The following RPGRIP1 variants were observed in gnomAD, a reference collection of about 807,000 sequenced individuals.
RPGRIP1 encodes X-linked retinitis pigmentosa GTPase regulator-interacting protein 1.
Under a neutral mutation model 157.9 loss-of-function variants are expected in RPGRIP1, and 128 were observed. The ratio of observed to expected loss-of-function variants is 0.81; its 90% CI spans 0.70 to 0.94. The LOEUF is 0.94. Among genes scored for constraint, RPGRIP1 ranks in the 40% least tolerant of loss-of-function variants. The pLI is 0.00. For synonymous variants in RPGRIP1, 554 were observed against 571.6 expected, an observed-to-expected ratio of 0.97 and a Z score of 0.44; for missense variants, 1,486 against 1,545.8, an observed-to-expected ratio of 0.96 and a Z score of 0.65.
At chr14:21,345,932 G>A (rs917668404) in intron 23 of RPGRIP1, among the ~76,000 whole-genome samples, 10 of 152,014 alleles carry the variant, frequency 6.6e-5, no homozygotes, top group Admixed American at 1.3e-4. Context: ...CGATTCTTCT[G>A]CCTGAGCCTC....
rs549734784 is a variant in RPGRIP1 at position 21,340,883 on chromosome 14, T to G, written c.3340-2153T>G. On this transcript the variant is annotated intron_variant, in intron 21 of 24. Transcript: ENST00000400017. ...CCTGTCTATCCTATCCTATTGTTTC[T>G]TTTTTAAAAAGCTAGTGAAACCCGC... 5.4e-4 allele frequency among the ~76,000 whole-genome samples: 83 copies of G among 152,300 alleles called. 2 individuals are homozygous for G. In the South Asian group the frequency reaches 0.017, roughly 32 times the overall value.
At chr14:21,338,192 A>G (rs1332121306) in intron 21 of RPGRIP1, among the ~76,000 whole-genome samples, 1 of 152,210 alleles carries the variant, frequency 6.6e-6, no homozygotes, top group African/African-American at 2.4e-5. Context: ...CCGGGATTAC[A>G]GGCGTGAGCC....
Position 21,291,884 on chromosome 14 carries a change from C to G in RPGRIP1, c.86-2793C>G, listed in dbSNP as rs372219834. Among the ~76,000 whole-genome samples the G allele has an allele frequency of 5.3e-5, 8 of 152,246 alleles. 1 individual carries two copies. The highest frequency in any genetic ancestry group is 4.1e-4 in the South Asian group (2 of 4,830). On this transcript the variant is annotated intron_variant, in intron 2 of 24. Transcript: ENST00000400017. The stretch of plus-strand genomic sequence containing the variant: ...AAGCAATTCTCCTGCCTCAGCCTCC[C>G]GAGTAGCTGGGATTACAGGCACGTG...
rs145505414 is a variant in RPGRIP1, at chr14:21,327,918, C to A, written c.2895+111C>A. The A allele has an allele frequency of 6.1e-3, 5,095 of 841,658 alleles. 29 individuals carry two copies. The highest frequency in any genetic ancestry group is 0.027 in the African/African-American group (1,573 of 57,640). 52.1% of individuals were successfully genotyped at this position (841,658 alleles called of 1,614,324 possible). ...GTGCAGTGGCTCACGCCTGTAATCC[C>A]AGCACTTTGGGAGGCCATGGCAGGC... On this transcript the variant is annotated intron_variant, in intron 18 of 24. Coordinates refer to ENST00000400017, the MANE Select transcript of RPGRIP1 (RefSeq NM_020366.4).
In RPGRIP1 at chr14:21,325,295, C is replaced by T; in HGVS notation, c.2279C>T (p.Pro760Leu). 1 of 1,612,952 alleles carries T rather than the reference C, an allele frequency of 6.2e-7. No homozygotes were observed. The highest frequency in any genetic ancestry group is 8.5e-7 in the Non-Finnish European group (1 of 1,179,350). ...YWMRLRFPIK[P>L]SLQACNKRKK... ...ATGAGGCTGCGTTTCCCCATAAAACCCAGCCTACAGGCGTGCAATAAACGA... is the reference window on the plus strand; with the variant it reads ...ATGAGGCTGCGTTTCCCCATAAAACTCAGCCTACAGGCGTGCAATAAACGA... Residue 760 changes from proline (P) to leucine (L), a missense_variant, in exon 16 of 25, where the codon CCC becomes CTC. Pro to Leu is a moderately conservative substitution (Grantham distance 98, BLOSUM62 -3). Transcript: ENST00000400017.
At chr14:21,328,358 C>A in intron 18 of RPGRIP1, 66 bp from the exon 19 acceptor site, 2 of 1,181,332 alleles carry the variant, frequency 1.7e-6, no homozygotes, top group Non-Finnish European at 2.4e-6. Context: ...TTCCCAAATC[C>A]CTTTCTTGTG....
chr14:21,333,191 A>G (rs534552610), intron 20 of RPGRIP1, among the ~76,000 whole-genome samples: 14 of 152,268 alleles, frequency 9.2e-5, no homozygotes, highest in East Asian at 7.7e-4. Flanking sequence ...GAGTGGAGCT[A>G]TCAAGCAGGA....
intron 1 of RPGRIP1, among the ~76,000 whole-genome samples, chr14:21,287,045 AAG>A (rs1880324053): frequency 6.6e-6 from 1 of 150,886 alleles, no homozygotes; most frequent in East Asian, 1.9e-4. Flanking sequence ...AGAGGAAAGA[AAG>A]AGAGGAAGGA....
At chr14:21,293,016 G>C (rs966017862) in intron 2 of RPGRIP1, among the ~76,000 whole-genome samples, 36 of 151,780 alleles carry the variant, frequency 2.4e-4, no homozygotes, top group African/African-American at 8.5e-4. Flanking sequence ...TGTGGTGGCA[G>C]GTGCCTGTAA....
intron 2 of RPGRIP1, among the ~76,000 whole-genome samples, chr14:21,290,643 G>A (rs946187992): frequency 4.0e-5 from 6 of 151,850 alleles, no homozygotes; most frequent in Non-Finnish European, 5.9e-5. Context: ...GTGAAACCTC[G>A]TCTCTACTAA....
intron 11 of RPGRIP1, among the ~76,000 whole-genome samples, 186 bp from the exon 12 acceptor site, chr14:21,319,831 A>G (rs1882207862): frequency 6.6e-6 from 1 of 152,188 alleles, no homozygotes; most frequent in Non-Finnish European, 1.5e-5. Flanking sequence ...GAGTGCAAGT[A>G]GTATCACCTC....
chr14:21,345,517 C>T (rs1001436985), intron 23 of RPGRIP1, among the ~76,000 whole-genome samples: 24 of 150,984 alleles, frequency 1.6e-4, no homozygotes, highest in African/African-American at 5.4e-4. Context: ...ATTCTTGTGC[C>T]TCTGCCTCCC....
At position 21,320,178 on chromosome 14, in the gene RPGRIP1, G is replaced by A. The variant is rs1167313603; in HGVS notation, c.1467+1G>A. 1.9e-6 allele frequency: 3 copies of A among 1,613,316 alleles called. No homozygotes were observed. The highest frequency in any genetic ancestry group is 8.5e-7 in the Non-Finnish European group (1 of 1,179,622). ...ATTGCAAGAGAACACTCAGATCGAG[G>A]TAAGAGCCTCTTTAAACAAACTAGT... On this transcript the variant is annotated splice_donor_variant, in intron 12 of 24. Coordinates refer to ENST00000400017, the MANE Select transcript of RPGRIP1 (RefSeq NM_020366.4). LOFTEE classifies it high-confidence loss of function.
chr14:21,318,333 A>C, intron 11 of RPGRIP1: 1 of 321,066 alleles, frequency 3.1e-6, no homozygotes, highest in Non-Finnish European at 6.1e-6. Flanking sequence ...GCTGGTCGTG[A>C]ACTCCTGACC....
chr14:21,346,618 T>G (rs1566370582), intron 23 of RPGRIP1, among the ~76,000 whole-genome samples: 1 of 152,348 alleles, frequency 6.6e-6, no homozygotes, highest in African/African-American at 2.4e-5. Flanking sequence ...TGGTTTTTGT[T>G]TTTGAAATCT....
At chr14:21,331,885 A>G (rs1883831466) in intron 20 of RPGRIP1, among the ~76,000 whole-genome samples, 1 of 151,490 alleles carries the variant, frequency 6.6e-6, no homozygotes, top group South Asian at 2.1e-4. Flanking sequence ...AGTCTTTACT[A>G]CTTAAAAAAG....
At chr14:21,298,368 C>A (rs1210329735) in intron 3 of RPGRIP1, among the ~76,000 whole-genome samples, 1 of 151,964 alleles carries the variant, frequency 6.6e-6, no homozygotes, top group African/African-American at 2.4e-5. Context: ...GGCGTGGTGG[C>A]AGGCGCCTAT....
chr14:21,300,305 C>CAAA (rs35287014), intron 3 of RPGRIP1, among the ~76,000 whole-genome samples: 11 of 98,208 alleles, frequency 1.1e-4, no homozygotes, highest in Admixed American at 2.0e-4. Context: ...AAGTCCGTCT[C>CAAA]AAAAAAAAAA....
At chr14:21,320,488 TC>T (rs1452200540) in intron 12 of RPGRIP1, among the ~76,000 whole-genome samples, 1 of 151,976 alleles carries the variant, frequency 6.6e-6, no homozygotes, top group Non-Finnish European at 1.5e-5. Context: ...AGACGGGGTT[TC>T]ACCGTGTTAG....
Sources: gnomAD v4.1 joint callset for allele counts (sites outside exome capture counted in the v4.1 genomes callset) on GRCh38, gnomAD v4.1.1 for gene constraint, MANE v1.5 for transcripts, NCBI Gene and HGNC (gene_info 2026-07-23, HGNC 2026-07-21) for gene names.